The following TOPBP1 variants were observed in gnomAD, a reference collection of about 807,000 sequenced individuals.
The protein encoded by TOPBP1 is DNA topoisomerase 2-binding protein 1.
In TOPBP1, 28 loss-of-function variants were observed where a neutral mutation model predicts 167.7. The ratio of observed to expected loss-of-function variants is 0.17; its 90% CI spans 0.12 to 0.23. The LOEUF is 0.23. TOPBP1 is among the 10% of genes least tolerant of loss of function. The probability of loss-of-function intolerance (pLI) is 1.00; values close to 1 mark genes in which losing one functional copy is unlikely to be tolerated. For missense variants in TOPBP1, 1,554 were observed against 1,809.6 expected (o/e 0.86, Z 2.56); for synonymous variants, 598 against 611.4 (o/e 0.98, Z 0.32).
At chr3:133,643,437 C>A in intron 11 of TOPBP1, 65 bp from the exon 12 acceptor site, 2 of 1,353,758 alleles carry the variant, frequency 1.5e-6, no homozygotes, top group South Asian at 1.6e-5. Context: ...AACACTGGTT[C>A]AGGTACAGAA....
intron 27 of TOPBP1, among the ~76,000 whole-genome samples, chr3:133,602,167 T>C (rs1934327551): frequency 6.6e-6 from 1 of 152,106 alleles, no homozygotes; most frequent in South Asian, 2.1e-4. Flanking sequence ...GTCTCAAAAA[T>C]GACACATTGA....
intron 14 of TOPBP1, among the ~76,000 whole-genome samples, chr3:133,635,113 C>T (rs900601624): frequency 5.3e-5 from 8 of 152,080 alleles, no homozygotes; most frequent in Admixed American, 6.5e-5. Context: ...CATCATCATG[C>T]CCAGCTAATT....
chr3:133,655,306 A>T lies in TOPBP1; in HGVS notation c.726T>A (p.Ile242=). The T allele has an allele frequency of 6.9e-7, 1 of 1,451,008 alleles. No homozygotes were observed. Among genetic ancestry groups the T allele is most frequent in the Non-Finnish European group, 9.1e-7 (1 of 1,096,046 alleles). 89.9% of individuals were successfully genotyped at this position (1,451,008 alleles called of 1,614,324 possible). ...CAGTTTTACCTTTTGGTTCTTGCAC[A>T]ATGAGGTGTGTACATTCATTCATTT... ...QLKMNECTHL[I]VQEPKGQKYE... The change falls in exon 6 of 28, where the codon ATT becomes ATA. Residue 242 remains isoleucine, a synonymous_variant. Transcript: ENST00000260810.
In TOPBP1 at chr3:133,661,937, C is replaced by G. The variant is rs575007949; in HGVS notation, c.-176G>C. ...CCCGGAAATTGCCCAGAACGGGAAC[C>G]GACTTTCGCGCCAACCGCGCGGCCG... On this transcript the variant is annotated 5_prime_UTR_variant, in exon 1 of 28. Transcript: ENST00000260810. 3.3e-5 allele frequency: 5 copies of G among 152,386 alleles called. No homozygotes were observed. Among genetic ancestry groups the G allele is most frequent in the Admixed American group, 2.6e-4 (4 of 15,308 alleles). 9.4% of individuals were successfully genotyped at this position (152,386 alleles called of 1,614,324 possible). A position where few individuals can be genotyped will look rare whatever the true frequency, so the allele number is the denominator to read the frequency against.
chr3:133,652,316 A>ATCTTT, intron 8 of TOPBP1, 147 bp downstream of exon 8: 2 of 734,042 alleles, frequency 2.7e-6, no homozygotes, highest in Non-Finnish European at 2.2e-6. Context: ...AAGGATGGAC[A>ATCTTT]TGGTCTAGTA....
In TOPBP1 at chr3:133,600,636, C is replaced by T. The variant is rs1251932454; in HGVS notation, c.*614G>A. On this transcript the variant is annotated 3_prime_UTR_variant, in exon 28 of 28. Transcript: ENST00000260810. Reference sequence around the variant, plus strand: ...TTTAAAAAATTTATCTATGTAAACACATCTTAATACTAATTTGAGTTACTA... The same window carrying T: ...TTTAAAAAATTTATCTATGTAAACATATCTTAATACTAATTTGAGTTACTA... The T allele has an allele frequency of 6.5e-6, 1 of 152,672 alleles. No individual in the cohort carries two copies. The highest frequency in any genetic ancestry group is 1.5e-5 in the Non-Finnish European group (1 of 68,058). The allele number at this position is 152,672 out of a possible 1,614,324, so 9.5% of individuals were successfully genotyped here. A position where few individuals can be genotyped will look rare whatever the true frequency, so the allele number is the denominator to read the frequency against.
rs781246574 is a variant in TOPBP1 at position 133,644,186 on chromosome 3, A to G, written c.1682T>C (p.Leu561Ser). The G allele has an allele frequency of 1.1e-5, 17 of 1,613,780 alleles. No individual in the cohort carries two copies. In the Admixed American group the frequency reaches 2.7e-4, roughly 25 times the overall value. The change falls in exon 11 of 28, where the codon TTG (leucine) becomes TCG (serine). Residue 561 changes from leucine to serine, a missense_variant. By Grantham distance (145) the Leu-to-Ser change is moderately radical. Around this residue, in one of 3 missense-constraint regions of TOPBP1, gnomAD observed 1,197 missense variants for 1,351.5 expected, o/e 0.89. Coordinates refer to ENST00000260810, the MANE Select transcript of TOPBP1 (RefSeq NM_007027.4). ...AGATTCATTTTCATTACTAAAACCC[A>G]AAACAAGGAAACTCTTTTGGCTAAA... is the stretch of plus-strand genomic sequence containing the variant. Reference protein sequence around the residue: ...GLFSQKSFLVLGFSNENESNI... With the variant: ...GLFSQKSFLVSGFSNENESNI...
chr3:133,613,855 G>A (rs1461787634), intron 23 of TOPBP1, among the ~76,000 whole-genome samples: 6 of 149,932 alleles, frequency 4.0e-5, no homozygotes, highest in African/African-American at 1.5e-4. Flanking sequence ...GTGCAGTGGC[G>A]CGATCTCGAC....
rs80311995 is a variant in TOPBP1, at chr3:133,658,724, T to C, written c.219+292A>G. Among the ~76,000 whole-genome samples, 2,033 of 152,078 alleles carry C rather than the reference T, an allele frequency of 0.013. 47 individuals carry two copies. The highest frequency in any genetic ancestry group is 0.046 in the African/African-American group (1,902 of 41,442). On this transcript the variant is annotated intron_variant, in intron 3 of 27. Transcript: ENST00000260810. ...CAGGAGGCTAAGGCACAAGAATCAC[T>C]TGAACCAAGGAAGCAGAAGTTGCAG...
intron 2 of TOPBP1, among the ~76,000 whole-genome samples, chr3:133,659,923 C>G (rs891075237): frequency 6.6e-6 from 1 of 152,128 alleles, no homozygotes; most frequent in Non-Finnish European, 1.5e-5. Context: ...TAAGTCAGAT[C>G]ATGTTTACTC....
chr3:133,623,455 A>G lies in TOPBP1; in HGVS notation c.2931T>C (p.Cys977=). ...CAGGAAGATGTTTACACTCTTGGGC[A>G]CACTGCAATACAATGGTGTGCTTTA... ...HIVSEHWLLD[C]AQECKHLPES... is the part of the protein sequence containing the mutation. Residue 977 remains cysteine, a splice_region_variant and synonymous_variant, in exon 18 of 28, where the codon TGT becomes TGC. Transcript: ENST00000260810. The G allele has an allele frequency of 2.5e-6, 4 of 1,607,472 alleles. No homozygotes were observed. In the African/African-American group the frequency reaches 4.0e-5, roughly 16 times the overall value.
intron 27 of TOPBP1, among the ~76,000 whole-genome samples, chr3:133,603,354 A>G (rs1934376279): frequency 6.6e-6 from 1 of 152,230 alleles, no homozygotes; most frequent in African/African-American, 2.4e-5. Context: ...CAAAGAACAA[A>G]TAGAAAACAA....
intron 25 of TOPBP1, among the ~76,000 whole-genome samples, chr3:133,610,270 A>G (rs1934630353): frequency 6.6e-6 from 1 of 152,188 alleles, no homozygotes; most frequent in African/African-American, 2.4e-5. Flanking sequence ...AAAGAATCTG[A>G]GATGAAGAGT....
At chr3:133,656,342 T>C (rs1936478552) in intron 5 of TOPBP1, among the ~76,000 whole-genome samples, 1 of 151,978 alleles carries the variant, frequency 6.6e-6, no homozygotes, top group South Asian at 2.1e-4. Context: ...TCTTAACATA[T>C]GGGAATGGTG....
At chr3:133,618,123 A>C in intron 21 of TOPBP1, 90 bp downstream of exon 21, 1 of 1,142,374 alleles carries the variant, frequency 8.8e-7, no homozygotes, top group South Asian at 1.4e-5. Flanking sequence ...GCACATTCAG[A>C]TCAGAGAACT....
intron 23 of TOPBP1, among the ~76,000 whole-genome samples, chr3:133,613,784 CTTTTTT>C (rs11393295): frequency 7.9e-6 from 1 of 127,264 alleles, no homozygotes. Flanking sequence ...ATATCAAGGA[CTTTTTT>C]TTTTTTTTTT....
At chr3:133,641,279 G>T (rs1935882547) in intron 12 of TOPBP1, among the ~76,000 whole-genome samples, 1 of 151,952 alleles carries the variant, frequency 6.6e-6, no homozygotes, top group South Asian at 2.1e-4. Context: ...TTACATTTGG[G>T]TCTCCTGCTA....
intron 13 of TOPBP1, 38 bp downstream of exon 13, chr3:133,639,921 T>A: frequency 6.3e-7 from 1 of 1,583,080 alleles, no homozygotes; most frequent in Non-Finnish European, 8.6e-7. Context: ...ACCATCTAGT[T>A]GTAAATATAT....
At chr3:133,656,540 TC>T (rs1936483328) in intron 5 of TOPBP1, 135 bp downstream of exon 5, 3 of 828,860 alleles carry the variant, frequency 3.6e-6, no homozygotes, top group South Asian at 2.4e-5. Context: ...ATTCTGCTCT[TC>T]CGTTTTCGCT....
Sources: allele counts gnomAD v4.1 joint callset (sites outside exome capture counted in the v4.1 genomes callset), GRCh38; gene constraint gnomAD v4.1.1; regional missense constraint gnomAD v4.1.1; transcripts MANE v1.5; gene names NCBI Gene and HGNC (gene_info 2026-07-23, HGNC 2026-07-21).